Variants in ATP9A observed in about 807,000 individuals in gnomAD.
ATP9A encodes the protein ATPase phospholipid transporting 9A.
ATP9A carries 52 observed loss-of-function variants against 144.1 expected under a neutral mutation model. That is an observed-to-expected ratio of 0.36 (90% CI 0.29 to 0.45). The LOEUF (loss-of-function observed/expected upper bound fraction) is 0.45, where lower values mean the gene tolerates loss of function less well. Among genes scored for constraint, ATP9A ranks in the 20% least tolerant of loss-of-function variants. The pLI is 1.00. For synonymous variants in ATP9A, 582 were observed against 557.4 expected (o/e 1.04, Z -0.62); for missense variants, 947 against 1,392.7 (o/e 0.68, Z 5.09).
intron 1 of ATP9A, among the ~76,000 whole-genome samples, chr20:51,744,847 T>C (rs765376183): frequency 4.6e-5 from 7 of 152,164 alleles, no homozygotes; most frequent in Non-Finnish European, 8.8e-5. Context: ...AAATTAAAAG[T>C]AGCCAGATAT....
chr20:51,736,857 AG>A (rs1022012164), intron 1 of ATP9A, among the ~76,000 whole-genome samples: 2 of 151,936 alleles, frequency 1.3e-5, no homozygotes, highest in African/African-American at 4.8e-5. Flanking sequence ...GTCCAGACTA[AG>A]GGGGGTGGCA....
intron 1 of ATP9A, among the ~76,000 whole-genome samples, chr20:51,766,845 T>C (rs1224249675): frequency 6.6e-6 from 1 of 151,812 alleles, no homozygotes; most frequent in Non-Finnish European, 1.5e-5. Flanking sequence ...GTCTCAATAA[T>C]AATAATAATA....
chr20:51,741,051 A>AAATTTTAATTAATTAATTAAAAATT (rs1189860872), intron 1 of ATP9A, among the ~76,000 whole-genome samples: 239 of 151,552 alleles, frequency 1.6e-3, no homozygotes, highest in African/African-American at 5.6e-3. Context: ...AATTAAAAAT[A>AAATTTTAATTAATTAATTAAAAATT]AATTTTAATT....
intron 1 of ATP9A, among the ~76,000 whole-genome samples, chr20:51,757,870 C>G (rs1171001862): frequency 6.6e-6 from 1 of 151,846 alleles, no homozygotes; most frequent in Admixed American, 6.6e-5. Flanking sequence ...CCACTGTACT[C>G]CAGCCTGAGC....
In ATP9A at chr20:51,622,068, C is replaced by T; in HGVS notation, c.2115+6G>A. ...CCACATGGCCCTAACGCAGAGGACA[C>T]TTTACCAGCCGAAAAACGTGGATGT... On this transcript the variant is annotated splice_donor_region_variant and intron_variant, in intron 19 of 27. Coordinates refer to ENST00000338821, the MANE Select transcript of ATP9A (RefSeq NM_006045.3). 4 of 1,613,938 alleles carry T rather than the reference C, an allele frequency of 2.5e-6. No individual in the cohort carries two copies. Among genetic ancestry groups the T allele is most frequent in the Non-Finnish European group, 3.4e-6 (4 of 1,179,842 alleles).
chr20:51,676,917 C>CT (rs34062000), intron 9 of ATP9A, among the ~76,000 whole-genome samples: 2,274 of 68,430 alleles, frequency 0.033, 200 homozygotes, highest in Non-Finnish European at 0.04. Context: ...CGCCCAGTCT[C>CT]TTTTTTTTTT....
intron 23 of ATP9A, among the ~76,000 whole-genome samples, chr20:51,612,928 T>C (rs1601055927): frequency 6.6e-6 from 1 of 152,312 alleles, no homozygotes; most frequent in East Asian, 1.9e-4. Context: ...CCAAGTGTCA[T>C]GCTGACCCCT....
At chr20:51,676,353 A>T (rs1015478130) in intron 9 of ATP9A, 145 bp from the exon 10 acceptor site, 1 of 603,086 alleles carries the variant, frequency 1.7e-6, no homozygotes, top group African/African-American at 1.9e-5. Flanking sequence ...CTCATGCTGG[A>T]GTCTGGAGTG....
rs1172914325 is a variant in ATP9A at position 51,627,603 on chromosome 20, A to G, written c.1842T>C (p.Phe614=). Reference sequence around the variant, plus strand: ...GAAAGGTCCCAGAACAACTTACTTCAAAGTCCTGATACTGCTCCTCTGCAA... The same window carrying G: ...GAAAGGTCCCAGAACAACTTACTTCGAAGTCCTGATACTGCTCCTCTGCAA... ...KSLAEEQYQD[F]EARYVQAKLS... The change falls in exon 17 of 28, where the codon TTT becomes TTC. Residue 614 remains phenylalanine (F), a synonymous_variant. Transcript: ENST00000338821. 6.2e-7 allele frequency: 1 copy of G among 1,614,128 alleles called. No individual in the cohort carries two copies. Among genetic ancestry groups the G allele is most frequent in the Admixed American group, 1.7e-5 (1 of 60,018 alleles).
At chr20:51,763,882 G>C (rs186799190) in intron 1 of ATP9A, among the ~76,000 whole-genome samples, 1 of 152,062 alleles carries the variant, frequency 6.6e-6, no homozygotes, top group Non-Finnish European at 1.5e-5. Context: ...ATCACACCAG[G>C]GCCTCGACAT....
chr20:51,618,519 T>G, intron 21 of ATP9A, 143 bp downstream of exon 21: 5 of 1,208,858 alleles, frequency 4.1e-6, no homozygotes, highest in East Asian at 2.5e-5. Context: ...AGCCAAAGTC[T>G]GAGAGGTGGA....
intron 7 of ATP9A, among the ~76,000 whole-genome samples, chr20:51,692,191 C>T (rs189848490): frequency 6.6e-6 from 1 of 152,278 alleles, no homozygotes; most frequent in East Asian, 1.9e-4. Flanking sequence ...TGCATGACAA[C>T]GTCAATGTAC....
chr20:51,730,051 G>C (rs547490657), intron 1 of ATP9A, 73 bp from the exon 2 acceptor site: 3 of 1,368,186 alleles, frequency 2.2e-6, no homozygotes, highest in East Asian at 5.4e-5. Flanking sequence ...CCCACTCTTC[G>C]CAGATTGCTT....
chr20:51,741,332 G>A (rs2077784510), intron 1 of ATP9A, among the ~76,000 whole-genome samples: 1 of 152,186 alleles, frequency 6.6e-6, no homozygotes, highest in Admixed American at 6.5e-5. Context: ...TGTAATCCCA[G>A]TACTTTGGGA....
At position 51,685,581 on chromosome 20, in the gene ATP9A, A is replaced by AAAAAGAAAAGAAAAG. The variant is rs111421061; in HGVS notation, c.799+3468_799+3482dup. On this transcript the variant is annotated intron_variant, in intron 9 of 27. Transcript: ENST00000338821. ...TCAGTCTCAGAAAAAAAAGAAAAGA[A>AAAAAGAAAAGAAAAG]AAAAGAAAAGAAAAGAAAAACAGAC... 7.3e-5 allele frequency among the ~76,000 whole-genome samples: 11 copies of AAAAAGAAAAGAAAAG among 150,208 alleles called. No homozygotes were observed. The East Asian group carries it at 2.2e-3, about 30-fold the overall frequency.
chr20:51,761,396 C>T (rs2077879686), intron 1 of ATP9A, among the ~76,000 whole-genome samples: 1 of 152,152 alleles, frequency 6.6e-6, no homozygotes, highest in South Asian at 2.1e-4. Flanking sequence ...GAAAGAGGAG[C>T]ACGACAATCC....
intron 1 of ATP9A, among the ~76,000 whole-genome samples, chr20:51,735,287 C>T (rs1259265683): frequency 1.3e-5 from 2 of 152,194 alleles, no homozygotes; most frequent in African/African-American, 4.8e-5. Context: ...GTGTAGGATG[C>T]TATTCTTTGC....
chr20:51,650,292 T>C (rs2077358316), intron 14 of ATP9A, among the ~76,000 whole-genome samples: 1 of 152,030 alleles, frequency 6.6e-6, no homozygotes, highest in African/African-American at 2.4e-5. Flanking sequence ...TCTCAGCACT[T>C]TGGGAGGCCA....
At chr20:51,622,241 G>A in intron 18 of ATP9A, 69 bp from the exon 19 acceptor site, 2 of 1,285,666 alleles carry the variant, frequency 1.6e-6, no homozygotes, top group South Asian at 2.4e-5. Context: ...TGCAACAGCT[G>A]AGTTTCCAAC....
Sources: gnomAD v4.1 joint callset for allele counts (sites outside exome capture counted in the v4.1 genomes callset) on GRCh38, gnomAD v4.1.1 for gene constraint, MANE v1.5 for transcripts, NCBI Gene and HGNC (gene_info 2026-07-23, HGNC 2026-07-21) for gene names.